Variants in INHBC observed in about 807,000 individuals in gnomAD.
The protein encoded by INHBC is inhibin subunit beta C, also known as inhibin beta C chain.
A neutral mutation model predicts 12.4 loss-of-function variants in INHBC; 10 were observed. The ratio of observed to expected loss-of-function variants is 0.81; its 90% CI spans 0.50 to 1.37. The LOEUF (loss-of-function observed/expected upper bound fraction) is 1.37, where lower values mean the gene tolerates loss of function less well. Ranked by LOEUF, INHBC falls within the 40% of genes most tolerant of loss-of-function variation. The pLI, the probability that INHBC is intolerant of heterozygous loss-of-function variation, is 0.00. For synonymous variants in INHBC, 147 were observed against 171.6 expected (o/e 0.86, Z 1.12); for missense variants, 382 against 439.4 (o/e 0.87, Z 1.17).
chr12:57,435,990 G>C (rs1286633882), intron 1 of INHBC, among the ~76,000 whole-genome samples: 1 of 151,624 alleles, frequency 6.6e-6, no homozygotes, highest in East Asian at 1.9e-4. Flanking sequence ...AGGATTACAG[G>C]TGCCCGCCAC....
chr12:57,436,437 A>G (rs926953996), intron 1 of INHBC, among the ~76,000 whole-genome samples: 1 of 148,326 alleles, frequency 6.7e-6, no homozygotes, highest in African/African-American at 2.5e-5. Flanking sequence ...TGCTGGGATT[A>G]CAAGTGTGAG....
At chr12:57,444,542 G>GAA (rs61276528) in intron 1 of INHBC, among the ~76,000 whole-genome samples, 1 of 94,966 alleles carries the variant, frequency 1.1e-5, no homozygotes. Flanking sequence ...CTCTGTCTCA[G>GAA]AAAAAAAAAA....
At chr12:57,439,525 C>T (rs1282566644) in intron 1 of INHBC, among the ~76,000 whole-genome samples, 1 of 152,152 alleles carries the variant, frequency 6.6e-6, no homozygotes, top group African/African-American at 2.4e-5. Context: ...ACTTTCTGCC[C>T]AGAGTTGGGG....
rs1232248514 is a variant in INHBC at position 57,449,446 on chromosome 12, C to A, written c.483C>A (p.Asn161Lys). The A allele has an allele frequency of 1.2e-6, 2 of 1,614,110 alleles. No individual in the cohort carries two copies. Among genetic ancestry groups the A allele is most frequent in the African/African-American group, 2.7e-5 (2 of 74,942 alleles). Residue 161 changes from asparagine to lysine, a missense_variant, in exon 2 of 2, where the codon AAC becomes AAA. Coordinates refer to ENST00000309668, the MANE Select transcript of INHBC (RefSeq NM_005538.4). Reference sequence around the variant, plus strand: ...TTGTGCTGGGTCCACATAATACCAACCTCACCTTGGCTACTCAGTACCTGC... The same window carrying A: ...TTGTGCTGGGTCCACATAATACCAAACTCACCTTGGCTACTCAGTACCTGC... ...RVLVLGPHNT[N>K]LTLATQYLLE...
At chr12:57,438,145 T>G (rs1870387083) in intron 1 of INHBC, among the ~76,000 whole-genome samples, 1 of 152,202 alleles carries the variant, frequency 6.6e-6, no homozygotes, top group African/African-American at 2.4e-5. Flanking sequence ...AGATTCTTGC[T>G]CAGCCATTTA....
Position 57,451,503 on chromosome 12 carries a change from C to T in INHBC, c.*1481C>T, listed in dbSNP as rs1224972018. The stretch of plus-strand genomic sequence containing the variant: ...CCTTTTTAGACCTTTGCCCGTCCTC[C>T]CCCACATCTCCTCCCTTTGGCTGGA... On this transcript the variant is annotated 3_prime_UTR_variant, in exon 2 of 2. Coordinates refer to ENST00000309668, the MANE Select transcript of INHBC (RefSeq NM_005538.4). Among the ~76,000 whole-genome samples the T allele has an allele frequency of 6.6e-6, 1 of 152,184 alleles. No individual in the cohort carries two copies. Among genetic ancestry groups the T allele is most frequent in the East Asian group, 1.9e-4 (1 of 5,200 alleles).
intron 1 of INHBC, among the ~76,000 whole-genome samples, chr12:57,436,649 T>A (rs867849252): frequency 1.3e-5 from 2 of 151,210 alleles, no homozygotes; most frequent in African/African-American, 4.9e-5. Context: ...CCTGGCTAAT[T>A]TTTTTTATTT....
intron 1 of INHBC, among the ~76,000 whole-genome samples, chr12:57,443,418 G>T (rs1461851682): frequency 6.6e-6 from 1 of 151,946 alleles, no homozygotes; most frequent in Admixed American, 6.6e-5. Context: ...CCGAGTAGCT[G>T]GGATTACAGG....
chr12:57,445,777 G>T (rs1328909805), intron 1 of INHBC, among the ~76,000 whole-genome samples: 2 of 127,312 alleles, frequency 1.6e-5, no homozygotes, highest in African/African-American at 6.1e-5. Flanking sequence ...ATCTCGCTCT[G>T]TCATCCAGGC....
chr12:57,437,466 G>A (rs1048920201), intron 1 of INHBC, among the ~76,000 whole-genome samples: 7 of 151,682 alleles, frequency 4.6e-5, no homozygotes, highest in South Asian at 2.1e-4. Context: ...TCAGGAGATC[G>A]AGACCATCCT....
intron 1 of INHBC, among the ~76,000 whole-genome samples, chr12:57,435,725 T>C (rs1870320730): frequency 1.3e-5 from 2 of 152,114 alleles, no homozygotes; most frequent in South Asian, 4.1e-4. Context: ...AAAATGGGAC[T>C]CAGAAAGATG....
At chr12:57,441,497 C>T (rs935602324) in intron 1 of INHBC, among the ~76,000 whole-genome samples, 1 of 149,888 alleles carries the variant, frequency 6.7e-6, no homozygotes, top group African/African-American at 2.5e-5. Flanking sequence ...TGCACTTCAG[C>T]CTGGGCAATA....
At chr12:57,446,277 T>C (rs1308037095) in intron 1 of INHBC, among the ~76,000 whole-genome samples, 2 of 151,984 alleles carry the variant, frequency 1.3e-5, no homozygotes, top group Non-Finnish European at 2.9e-5. Context: ...TGAAATATCA[T>C]TGGATGTCCA....
At chr12:57,444,327 G>A (rs776327768) in intron 1 of INHBC, among the ~76,000 whole-genome samples, 7 of 152,130 alleles carry the variant, frequency 4.6e-5, no homozygotes, top group Non-Finnish European at 8.8e-5. Flanking sequence ...AGGATCACAA[G>A]GTCAGGAGTT....
At position 57,434,821 on chromosome 12, in the gene INHBC, T is replaced by G; in HGVS notation, c.-66T>G. 85 of 1,467,358 alleles carry G rather than the reference T, an allele frequency of 5.8e-5. No individual in the cohort carries two copies. The highest frequency in any genetic ancestry group is 7.2e-5 in the Non-Finnish European group (78 of 1,077,312). 90.9% of individuals were successfully genotyped at this position (1,467,358 alleles called of 1,614,324 possible). On this transcript the variant is annotated 5_prime_UTR_variant, in exon 1 of 2. Coordinates refer to ENST00000309668, the MANE Select transcript of INHBC (RefSeq NM_005538.4). ...GGGCCTCTGGCAGCCAGGACAGAGT[T>G]GAGACCACAGCTGTTGAGACCCTGA...
At chr12:57,442,307 A>G (rs1870483259) in intron 1 of INHBC, among the ~76,000 whole-genome samples, 1 of 152,230 alleles carries the variant, frequency 6.6e-6, no homozygotes, top group South Asian at 2.1e-4. Context: ...AAGGGACAGC[A>G]CAAAGTCATG....
chr12:57,446,409 A>G (rs916690508), intron 1 of INHBC, among the ~76,000 whole-genome samples: 6 of 152,112 alleles, frequency 3.9e-5, no homozygotes, highest in Admixed American at 2.0e-4. Context: ...GGAATGGATG[A>G]TCATTCTGGG....
At chr12:57,444,542 GAAA>G (rs61276528) in intron 1 of INHBC, among the ~76,000 whole-genome samples, 3 of 94,978 alleles carry the variant, frequency 3.2e-5, no homozygotes, top group Admixed American at 1.1e-4. Context: ...CTCTGTCTCA[GAAA>G]AAAAAAAAAA....
chr12:57,450,127 G>A lies in INHBC; in HGVS notation c.*105G>A. 1 of 1,238,408 alleles carries A rather than the reference G, an allele frequency of 8.1e-7. No homozygotes were observed. Among genetic ancestry groups the A allele is most frequent in the South Asian group, 2.0e-5 (1 of 49,914 alleles). 76.7% of individuals were successfully genotyped at this position (1,238,408 alleles called of 1,614,324 possible). ...TGACCTCATTCTCTGTCCAGAATGTGGACTCCCTCTTCCTGAGCATCTTAT... is the reference window on the plus strand; with the variant it reads ...TGACCTCATTCTCTGTCCAGAATGTAGACTCCCTCTTCCTGAGCATCTTAT... On this transcript the variant is annotated 3_prime_UTR_variant, in exon 2 of 2. Coordinates refer to ENST00000309668, the MANE Select transcript of INHBC (RefSeq NM_005538.4).
Sources: gnomAD v4.1 joint callset for allele counts (sites outside exome capture counted in the v4.1 genomes callset) on GRCh38, gnomAD v4.1.1 for gene constraint, MANE v1.5 for transcripts, NCBI Gene and HGNC (gene_info 2026-07-23, HGNC 2026-07-21) for gene names.